The following DOCK1 variants were observed in gnomAD, a reference collection of about 807,000 sequenced individuals.
DOCK1 encodes the protein dedicator of cytokinesis 1, also known as dedicator of cytokinesis protein 1.
DOCK1 carries 138 observed loss-of-function variants against 262.7 expected under a neutral mutation model. That is an observed-to-expected ratio of 0.53 (90% confidence interval 0.46 to 0.61). The LOEUF (loss-of-function observed/expected upper bound fraction) is 0.61. DOCK1 is among the 20% of genes least tolerant of loss of function. The pLI, the probability that DOCK1 is intolerant of heterozygous loss-of-function variation, is 0.00. For missense variants in DOCK1, 1,908 were observed against 2,370.7 expected (o/e 0.80, Z 4.05); for synonymous variants, 866 against 867.4 (o/e 1.00, Z 0.03).
At chr10:126,939,671 A>G (rs2034843468) in intron 1 of DOCK1, among the ~76,000 whole-genome samples, 1 of 152,094 alleles carries the variant, frequency 6.6e-6, no homozygotes, top group South Asian at 2.1e-4. Flanking sequence ...CAAAATACCT[A>G]TTTTAGAAAA....
intron 10 of DOCK1, among the ~76,000 whole-genome samples, chr10:127,006,304 T>A (rs953760947): frequency 1.3e-5 from 2 of 152,194 alleles, no homozygotes; most frequent in African/African-American, 4.8e-5. Flanking sequence ...CCTCTGTCAC[T>A]CTTGTCCCAA....
Position 127,225,800 on chromosome 10 carries a change from C to T in DOCK1, c.2848-22208C>T, listed in dbSNP as rs189561505. Among the ~76,000 whole-genome samples the T allele has an allele frequency of 7.9e-5, 12 of 152,240 alleles. No homozygotes were observed. In the East Asian group the frequency reaches 1.5e-3, roughly 20 times the overall value. ...GATGTACCCATAAGAAGTAGTTGGA[C>T]GGGCATGGTGGCTCACGCCTGTAAC... On this transcript the variant is annotated intron_variant, in intron 27 of 51. Transcript: ENST00000623213.
intron 2 of DOCK1, among the ~76,000 whole-genome samples, chr10:126,974,106 C>T (rs185055745): frequency 6.6e-6 from 1 of 152,252 alleles, no homozygotes; most frequent in East Asian, 1.9e-4. Flanking sequence ...TTCGTGCAGA[C>T]CCCTGCCTTT....
intron 27 of DOCK1, among the ~76,000 whole-genome samples, chr10:127,142,527 A>G (rs2051363510): frequency 6.6e-6 from 1 of 152,214 alleles, no homozygotes; most frequent in South Asian, 2.1e-4. Context: ...AGTCTGAAGC[A>G]GCTGGAGCCA....
intron 7 of DOCK1, 123 bp from the exon 8 acceptor site, chr10:126,997,969 C>T: frequency 7.0e-6 from 9 of 1,277,818 alleles, no homozygotes; most frequent in Non-Finnish European, 9.7e-6. Flanking sequence ...AGTGACTGCA[C>T]CAAGGCCTTT....
intron 48 of DOCK1, among the ~76,000 whole-genome samples, chr10:127,435,023 A>G (rs896240333): frequency 5.3e-5 from 8 of 152,300 alleles, no homozygotes; most frequent in African/African-American, 1.7e-4. Flanking sequence ...GTACAAGGCC[A>G]CTTTGGAGAT....
At chr10:127,224,049 A>G (rs539002686) in intron 27 of DOCK1, among the ~76,000 whole-genome samples, 1 of 152,340 alleles carries the variant, frequency 6.6e-6, no homozygotes, top group African/African-American at 2.4e-5. Context: ...CACAGCAAAA[A>G]GAAGATACTG....
intron 27 of DOCK1, among the ~76,000 whole-genome samples, chr10:127,180,657 A>G (rs1427290745): frequency 6.6e-6 from 1 of 152,234 alleles, no homozygotes; most frequent in African/African-American, 2.4e-5. Flanking sequence ...AATGGCTGAT[A>G]TGAAAATGTG....
chr10:127,181,004 C>T (rs2055680181), intron 27 of DOCK1, among the ~76,000 whole-genome samples: 1 of 152,000 alleles, frequency 6.6e-6, no homozygotes, highest in Non-Finnish European at 1.5e-5. Flanking sequence ...AAGGTAAAAT[C>T]TAATCCACAC....
chr10:127,043,221 TAG>T, intron 21 of DOCK1, 57 bp downstream of exon 21: 1 of 1,357,878 alleles, frequency 7.4e-7, no homozygotes, highest in Non-Finnish European at 1.0e-6. Context: ...TTGTGTTATT[TAG>T]AGTCTTTTTC....
At chr10:127,089,510 C>T (rs1205081556) in intron 23 of DOCK1, among the ~76,000 whole-genome samples, 5 of 152,194 alleles carry the variant, frequency 3.3e-5, no homozygotes, top group Admixed American at 2.0e-4. Flanking sequence ...CTGCTTCCTT[C>T]TCCTGGGGAC....
At chr10:127,406,453 C>T (rs2067520609) in intron 40 of DOCK1, among the ~76,000 whole-genome samples, 1 of 152,178 alleles carries the variant, frequency 6.6e-6, no homozygotes, top group Non-Finnish European at 1.5e-5. Flanking sequence ...TCCCGCCACA[C>T]CTGGATCATT....
At chr10:127,222,550 G>T (rs772692114) in intron 27 of DOCK1, among the ~76,000 whole-genome samples, 73 of 152,092 alleles carry the variant, frequency 4.8e-4, no homozygotes, top group Non-Finnish European at 7.5e-4. Context: ...AGTTTCCTTG[G>T]GAGATAAATT....
intron 6 of DOCK1, among the ~76,000 whole-genome samples, chr10:126,994,476 A>G (rs1227653000): frequency 1.3e-5 from 2 of 152,178 alleles, no homozygotes; most frequent in Non-Finnish European, 2.9e-5. Context: ...GGCCTTCCGC[A>G]GTGTTTGTGT....
At chr10:127,195,851 G>A (rs1310082361) in intron 27 of DOCK1, 4 of 152,282 alleles carry the variant, frequency 2.6e-5, no homozygotes, top group South Asian at 2.1e-4. Flanking sequence ...CCGGCCCCGG[G>A]AGCCGCCGAG....
At chr10:126,923,548 C>T (rs888804604) in intron 1 of DOCK1, among the ~76,000 whole-genome samples, 8 of 152,124 alleles carry the variant, frequency 5.3e-5, no homozygotes, top group East Asian at 1.9e-4. Context: ...CGCTTGAACC[C>T]GGGAGGCGGA....
At chr10:127,397,591 A>G (rs1372071600) in intron 38 of DOCK1, among the ~76,000 whole-genome samples, 1 of 151,756 alleles carries the variant, frequency 6.6e-6, no homozygotes, top group Non-Finnish European at 1.5e-5. Context: ...TGATCTGAGC[A>G]TGAGTTACAC....
intron 29 of DOCK1, among the ~76,000 whole-genome samples, chr10:127,276,090 T>C (rs2060731644): frequency 6.6e-6 from 1 of 152,228 alleles, no homozygotes; most frequent in Non-Finnish European, 1.5e-5. Context: ...CATTTCTCGA[T>C]GGATCTTGTC....
chr10:127,111,932 T>A (rs1436319226), intron 25 of DOCK1, among the ~76,000 whole-genome samples: 3 of 152,256 alleles, frequency 2.0e-5, no homozygotes, highest in Admixed American at 6.5e-5. Flanking sequence ...CATATATTTT[T>A]AAATTTCTGT....
Sources: allele counts gnomAD v4.1 joint callset (sites outside exome capture counted in the v4.1 genomes callset), GRCh38; gene constraint gnomAD v4.1.1; transcripts MANE v1.5; gene names NCBI Gene and HGNC (gene_info 2026-07-23, HGNC 2026-07-21).